Variants in MBNL3 observed in about 807,000 individuals in gnomAD.
MBNL3 encodes the protein muscleblind-like protein 3.
MBNL3 carries 6 observed loss-of-function variants against 24.5 expected under a neutral mutation model. The ratio of observed to expected loss-of-function variants is 0.25; its 90% CI spans 0.13 to 0.48. The LOEUF (loss-of-function observed/expected upper bound fraction) is 0.48. Ranked by LOEUF, MBNL3 falls within the 20% of genes least tolerant of loss-of-function variation. MBNL3 has a pLI of 0.99. For missense variants in MBNL3, 230 were observed against 293.5 expected (o/e 0.78, Z 1.58); for synonymous variants, 100 against 101.7 (o/e 0.98, Z 0.10).
chrX:132,484,933 GCACA>G lies in MBNL3; in HGVS notation c.-704+3914_-704+3917del, dbSNP rs3044539. 1.2e-3 allele frequency among the ~76,000 whole-genome samples: 122 copies of G among 102,588 alleles called. No individual in the cohort carries two copies. The East Asian group carries it at 0.021, about 18-fold the overall frequency. 89.1% of individuals were successfully genotyped at this position (102,588 alleles called of 115,157 possible). A position where few individuals can be genotyped will look rare whatever the true frequency, so the allele number is the denominator to read the frequency against. ...ACATACAAAGGGAGAATACACACGC[GCACA>G]CACACACACACACACACACACATTT... is the stretch of plus-strand genomic sequence containing the variant. On this transcript the variant is annotated intron_variant, in intron 1 of 8. Coordinates refer to ENST00000370853, the MANE Select transcript of MBNL3 (RefSeq NM_001386889.1).
At chrX:132,395,023 CCTT>C (rs1344038115) in intron 3 of MBNL3, among the ~76,000 whole-genome samples, 3 of 111,849 alleles carry the variant, frequency 2.7e-5, no homozygotes, top group Non-Finnish European at 5.6e-5. Flanking sequence ...ACTATTTCCT[CCTT>C]GAGTATGAAA....
intron 1 of MBNL3, among the ~76,000 whole-genome samples, chrX:132,445,835 G>A (rs755176347): frequency 7.2e-5 from 8 of 111,171 alleles, no homozygotes; most frequent in Non-Finnish European, 1.5e-4. Flanking sequence ...TGGGATACAT[G>A]TGCGGAACGT....
intron 1 of MBNL3, among the ~76,000 whole-genome samples, chrX:132,470,067 T>C (rs1234205428): frequency 1.8e-5 from 2 of 112,056 alleles, no homozygotes; most frequent in Non-Finnish European, 3.8e-5. Flanking sequence ...TGAATATTAT[T>C]CCATTGTATG....
chrX:132,412,905 G>A (rs901252073), intron 2 of MBNL3, among the ~76,000 whole-genome samples: 3 of 112,428 alleles, frequency 2.7e-5, no homozygotes, highest in Admixed American at 9.4e-5. Flanking sequence ...AAAGTCAGAA[G>A]GCATTCCTCA....
chrX:132,447,207 T>C (rs891196681), intron 1 of MBNL3, among the ~76,000 whole-genome samples: 2 of 112,128 alleles, frequency 1.8e-5, no homozygotes, highest in African/African-American at 6.5e-5. Flanking sequence ...AGCCTTGTTC[T>C]TTTTGTTGAG....
In MBNL3 at chrX:132,406,305, T is replaced by C; in HGVS notation, c.265A>G (p.Ile89Val). The change falls in exon 3 of 9, where the codon ATT (isoleucine) becomes GTT (valine). Residue 89 changes from isoleucine to valine, a missense_variant. Coordinates refer to ENST00000370853, the MANE Select transcript of MBNL3 (RefSeq NM_001386889.1). ...QLEINGRNNL[I>V]QQKTAAAMFA... The stretch of plus-strand genomic sequence containing the variant: ...ATGGCTGCGGCAGTCTTCTGTTGAA[T>C]CAGATTGTTCCGCCCATTAATCTCC... 1 of 1,211,672 alleles carries C rather than the reference T, an allele frequency of 8.3e-7. No individual in the cohort carries two copies. Among genetic ancestry groups the C allele is most frequent in the Admixed American group, 2.2e-5 (1 of 46,025 alleles).
intron 3 of MBNL3, among the ~76,000 whole-genome samples, chrX:132,396,175 T>C (rs1286938821): frequency 9.3e-6 from 1 of 107,186 alleles, no homozygotes; most frequent in Non-Finnish European, 1.9e-5. Flanking sequence ...TAAGTACCTA[T>C]ATAATACCCT....
intron 1 of MBNL3, among the ~76,000 whole-genome samples, chrX:132,444,130 G>A (rs1374458614): frequency 9.1e-6 from 1 of 109,627 alleles, no homozygotes; most frequent in Non-Finnish European, 1.9e-5. Flanking sequence ...TGAGCATAGA[G>A]ATCATGTCTT....
chrX:132,421,720 A>G (rs1943835022), intron 2 of MBNL3, among the ~76,000 whole-genome samples: 1 of 111,934 alleles, frequency 8.9e-6, no homozygotes, highest in Non-Finnish European at 1.9e-5. Flanking sequence ...TGAATGAAAC[A>G]TTCAAAGTCA....
chrX:132,396,038 T>A (rs1049526637), intron 3 of MBNL3, among the ~76,000 whole-genome samples: 1 of 110,324 alleles, frequency 9.1e-6, no homozygotes, highest in Non-Finnish European at 1.9e-5. Context: ...AATAAGAGAA[T>A]AATATTTAGT....
intron 8 of MBNL3, among the ~76,000 whole-genome samples, chrX:132,381,693 A>G (rs1193505967): frequency 8.9e-6 from 1 of 112,195 alleles, no homozygotes; most frequent in African/African-American, 3.2e-5. Context: ...TCTAATGTCC[A>G]TATGAGAAGG....
In MBNL3 at chrX:132,399,868, A is replaced by G. The variant is rs34017080; in HGVS notation, c.342+6360T>C. ...CCAGCCTTCACCTCATTTGTGATCA[A>G]CAGCAAGCAATCTCAAGGTAGCTGG... On this transcript the variant is annotated intron_variant, in intron 3 of 8. Transcript: ENST00000370853. Among the ~76,000 whole-genome samples the G allele has an allele frequency of 5.6e-3, 621 of 110,079 alleles. 3 individuals carry two copies. The highest frequency in any genetic ancestry group is 9.0e-3 in the Non-Finnish European group (473 of 52,738).
chrX:132,464,849 G>GAGTTTAA lies in MBNL3; in HGVS notation c.-704+24001_-704+24002insTTAAACT, dbSNP rs1828240405. ...AGATCAGGAGTTCGAGACCAGCCTG[G>GAGTTTAA]CCAACATGGTTAAACCCTCATCTCT... On this transcript the variant is annotated intron_variant, in intron 1 of 8. Transcript: ENST00000370853. Among the ~76,000 whole-genome samples the GAGTTTAA allele has an allele frequency of 2.7e-5, 3 of 111,396 alleles. No individual in the cohort carries two copies. The Admixed American group carries it at 2.9e-4, about 11-fold the overall frequency.
intron 2 of MBNL3, among the ~76,000 whole-genome samples, chrX:132,419,592 C>T (rs1053510744): frequency 9.0e-6 from 1 of 111,607 alleles, no homozygotes; most frequent in African/African-American, 3.3e-5. Flanking sequence ...ACTGCACACA[C>T]CATTTCACAA....
At chrX:132,380,886 G>A (rs1854981904) in intron 8 of MBNL3, among the ~76,000 whole-genome samples, 1 of 110,037 alleles carries the variant, frequency 9.1e-6, no homozygotes, top group Non-Finnish European at 1.9e-5. Context: ...AGACATGATT[G>A]GAATGAAAAT....
chrX:132,396,614 T>TCATATATATATTCATATATATTCA (rs1938877978), intron 3 of MBNL3, among the ~76,000 whole-genome samples: 2 of 42,346 alleles, frequency 4.7e-5, no homozygotes, highest in South Asian at 1.7e-3. Flanking sequence ...CTATATATAT[T>TCATATATATATTCATATATATTCA]CATATATATA....
intron 2 of MBNL3, among the ~76,000 whole-genome samples, chrX:132,419,177 C>G: frequency 8.9e-6 from 1 of 112,435 alleles, no homozygotes; most frequent in Non-Finnish European, 1.9e-5. Flanking sequence ...AATGTTTGCA[C>G]AGTAGCATTT....
Position 132,379,573 on chromosome X carries a change from T to C in MBNL3, c.*93A>G. On this transcript the variant is annotated 3_prime_UTR_variant, in exon 9 of 9. Transcript: ENST00000370853. ...TACATTGACTGCAACACGCTTATTG[T>C]TGTGTTGGTAGAATAAGACATACGA... 2 of 918,684 alleles carry C rather than the reference T, an allele frequency of 2.2e-6. No individual in the cohort carries two copies. The highest frequency in any genetic ancestry group is 3.0e-6 in the Non-Finnish European group (2 of 665,028). 75.7% of individuals were successfully genotyped at this position (918,684 alleles called of 1,213,427 possible).
intron 2 of MBNL3, among the ~76,000 whole-genome samples, chrX:132,423,850 A>G (rs1235821044): frequency 8.9e-6 from 1 of 111,908 alleles, no homozygotes; most frequent in Admixed American, 9.5e-5. Context: ...ACATGTCCAA[A>G]TGAAAATCAC....
Sources: gnomAD v4.1 joint callset for allele counts (sites outside exome capture counted in the v4.1 genomes callset) on GRCh38, gnomAD v4.1.1 for gene constraint, MANE v1.5 for transcripts, NCBI Gene and HGNC (gene_info 2026-07-23, HGNC 2026-07-21) for gene names.